The following GLIS3 variants were observed in gnomAD, a reference collection of about 807,000 sequenced individuals.
GLIS3 encodes the protein zinc finger protein GLIS3.
GLIS3 carries 53 observed loss-of-function variants against 78.6 expected under a neutral mutation model. The observed-to-expected ratio is 0.67, with a 90% CI of 0.54 to 0.85. GLIS3 has a LOEUF of 0.85. GLIS3 is among the 40% of genes least tolerant of loss of function. The pLI, the probability that GLIS3 is intolerant of heterozygous loss-of-function variation, is 0.00. For missense variants in GLIS3, 1,703 were observed against 1,231.1 expected, an observed-to-expected ratio of 1.38 and a Z score of -5.74; for synonymous variants, 684 against 509.9, an observed-to-expected ratio of 1.34 and a Z score of -4.60.
rs142975657 is a variant in GLIS3 at position 4,129,368 on chromosome 9, T to C, written c.389-3427A>G. Among the ~76,000 whole-genome samples, 251 of 152,316 alleles carry C rather than the reference T, an allele frequency of 1.6e-3. 1 individual carries two copies. The highest frequency in any genetic ancestry group is 5.8e-3 in the African/African-American group (242 of 41,568). On this transcript the variant is annotated intron_variant, in intron 2 of 10. Coordinates refer to ENST00000381971, the MANE Select transcript of GLIS3 (RefSeq NM_001042413.2). ...CCCTCTGATATGGTTTGGATCTGTG[T>C]CCCCACCCAAAACTCACATTCAACT...
At chr9:4,080,117 C>A (rs531466971) in intron 4 of GLIS3, among the ~76,000 whole-genome samples, 5 of 152,236 alleles carry the variant, frequency 3.3e-5, no homozygotes, top group Admixed American at 3.3e-4. Flanking sequence ...TGGAACCCCC[C>A]TGGCTTTATG....
intron 2 of GLIS3, among the ~76,000 whole-genome samples, chr9:4,224,769 T>G (rs1821628719): frequency 6.6e-6 from 1 of 151,826 alleles, no homozygotes; most frequent in Non-Finnish European, 1.5e-5. Context: ...TAACTGTTTT[T>G]GGAACAAAGG....
chr9:4,099,413 T>C (rs36082031), intron 4 of GLIS3, among the ~76,000 whole-genome samples: 16,717 of 151,934 alleles, frequency 0.11, 1,005 homozygotes, highest in Non-Finnish European at 0.14. Flanking sequence ...TCACTTGGAG[T>C]TGCCCCCCCG....
chr9:3,927,076 C>A (rs1588245000), intron 6 of GLIS3, among the ~76,000 whole-genome samples: 1 of 152,260 alleles, frequency 6.6e-6, no homozygotes, highest in Non-Finnish European at 1.5e-5. Context: ...ATTTATGTGG[C>A]TGATTTTCTG....
intron 2 of GLIS3, among the ~76,000 whole-genome samples, chr9:4,197,565 A>C (rs985502674): frequency 2.0e-5 from 3 of 152,014 alleles, no homozygotes; most frequent in Non-Finnish European, 2.9e-5. Context: ...CGCCCACTGG[A>C]TTCTCCCTTG....
intron 2 of GLIS3, among the ~76,000 whole-genome samples, chr9:4,133,242 T>C (rs1459114864): frequency 1.3e-5 from 2 of 152,212 alleles, no homozygotes; most frequent in African/African-American, 4.8e-5. Context: ...CATAATATAA[T>C]CATTGAATTC....
At chr9:4,284,268 A>C (rs1204847790) in intron 2 of GLIS3, among the ~76,000 whole-genome samples, 1 of 152,220 alleles carries the variant, frequency 6.6e-6, no homozygotes, top group African/African-American at 2.4e-5. Flanking sequence ...GGTGCCTGAC[A>C]TATGCTGAGT....
chr9:3,830,864 C>A (rs752884284), intron 9 of GLIS3, among the ~76,000 whole-genome samples: 2 of 152,188 alleles, frequency 1.3e-5, no homozygotes, highest in African/African-American at 2.4e-5. Context: ...ATACATCCAA[C>A]CTACTATGCT....
At chr9:4,415,005 T>C in the GLIS3 span, among the ~76,000 whole-genome samples, 1 of 152,108 alleles carries the variant, frequency 6.6e-6, no homozygotes, top group Admixed American at 6.6e-5. Context: ...TACAGAGTTC[T>C]TTTTTTTCCT....
chr9:3,843,802 T>C (rs950387929), intron 9 of GLIS3, among the ~76,000 whole-genome samples: 1 of 152,188 alleles, frequency 6.6e-6, no homozygotes, highest in Non-Finnish European at 1.5e-5. Context: ...TTTGTCACAA[T>C]GGCAAGGAAA....
intron 2 of GLIS3, among the ~76,000 whole-genome samples, chr9:4,320,025 G>GCA (rs1817501063): frequency 1.9e-5 from 1 of 53,560 alleles, no homozygotes; most frequent in Admixed American, 1.7e-4. Flanking sequence ...GTGTGTGTGT[G>GCA]CGCGCGCACA....
At chr9:4,245,958 A>G (rs1240464225) in intron 2 of GLIS3, among the ~76,000 whole-genome samples, 2 of 152,196 alleles carry the variant, frequency 1.3e-5, no homozygotes, top group African/African-American at 4.8e-5. Context: ...AGCAAACTAC[A>G]TAAAATCAGA....
At chr9:4,146,659 A>G (rs1834247359) in intron 2 of GLIS3, among the ~76,000 whole-genome samples, 1 of 152,204 alleles carries the variant, frequency 6.6e-6, no homozygotes, top group Non-Finnish European at 1.5e-5. Context: ...GTTACGATCC[A>G]CTCAGCAGTG....
the GLIS3 span, among the ~76,000 whole-genome samples, chr9:4,435,847 G>A: frequency 1.3e-5 from 2 of 152,220 alleles, no homozygotes; most frequent in African/African-American, 2.4e-5. Context: ...TACTTGGGAG[G>A]CTGAGGCAGG....
chr9:4,440,346 T>C, the GLIS3 span, among the ~76,000 whole-genome samples: 1 of 152,324 alleles, frequency 6.6e-6, no homozygotes, highest in Middle Eastern at 3.4e-3. Context: ...AAGTCTGTAA[T>C]CCATTTTGAG....
At chr9:4,217,628 A>G (rs1418307321) in intron 2 of GLIS3, among the ~76,000 whole-genome samples, 2 of 152,226 alleles carry the variant, frequency 1.3e-5, no homozygotes, top group Admixed American at 1.3e-4. Flanking sequence ...CCTTATGTAT[A>G]TATTTTAGAG....
At chr9:4,317,902 CTTACTCAAGCCAAGGGAATTG>C (rs1172297740) in intron 2 of GLIS3, among the ~76,000 whole-genome samples, 4 of 152,154 alleles carry the variant, frequency 2.6e-5, no homozygotes, top group Non-Finnish European at 4.4e-5. Flanking sequence ...CTTCTTCAGC[CTTACTCAAGCCAAGGGAATTG>C]TTCCTTGTAT....
chr9:4,279,171 C>T (rs1452060662), intron 2 of GLIS3, among the ~76,000 whole-genome samples: 1 of 151,274 alleles, frequency 6.6e-6, no homozygotes, highest in African/African-American at 2.4e-5. Context: ...TGGTGGCAGG[C>T]ACCTGTAATC....
chr9:4,418,440 G>T, the GLIS3 span, among the ~76,000 whole-genome samples: 1 of 152,208 alleles, frequency 6.6e-6, no homozygotes, highest in Non-Finnish European at 1.5e-5. Context: ...TATTGGAAAT[G>T]ACTTTGTAAG....
Sources: allele counts gnomAD v4.1 joint callset (sites outside exome capture counted in the v4.1 genomes callset), GRCh38; gene constraint gnomAD v4.1.1; transcripts MANE v1.5; gene names NCBI Gene and HGNC (gene_info 2026-07-23, HGNC 2026-07-21).